Variants in GPR15LG observed in about 807,000 individuals in gnomAD.
GPR15LG encodes the protein G protein-coupled receptor 15 ligand.
At chr10:84,175,279 T>C in the GPR15LG span, among the ~76,000 whole-genome samples, 2 of 152,152 alleles carry the variant, frequency 1.3e-5, no homozygotes, top group Admixed American at 6.5e-5. Context: ...TGACATGCAA[T>C]TTATCAGACC....
the GPR15LG span, among the ~76,000 whole-genome samples, chr10:84,184,001 A>T: frequency 6.6e-6 from 1 of 152,028 alleles, no homozygotes; most frequent in Non-Finnish European, 1.5e-5. Flanking sequence ...GATTGTTTCC[A>T]GACACTTTTT....
At chr10:84,181,033 G>T in the GPR15LG span, among the ~76,000 whole-genome samples, 2 of 152,172 alleles carry the variant, frequency 1.3e-5, no homozygotes, top group South Asian at 4.1e-4. Flanking sequence ...CAAGACGGCG[G>T]CAGTACAGTC....
the GPR15LG span, chr10:84,184,556 A>C: frequency 9.7e-7 from 1 of 1,027,954 alleles, no homozygotes; most frequent in African/African-American, 1.6e-5. Context: ...CTTGCTTTGA[A>C]ATTTTTTTTT....
At chr10:84,177,508 G>A in the GPR15LG span, among the ~76,000 whole-genome samples, 1 of 152,240 alleles carries the variant, frequency 6.6e-6, no homozygotes, top group Admixed American at 6.5e-5. Context: ...GGCCCATGGG[G>A]TCCATGACCA....
chr10:84,177,618 G>A, the GPR15LG span, among the ~76,000 whole-genome samples: 4 of 152,288 alleles, frequency 2.6e-5, no homozygotes, highest in South Asian at 2.1e-4. Context: ...GACTCCAGCC[G>A]CAGACCTTCT....
chr10:84,178,284 A>C, the GPR15LG span, among the ~76,000 whole-genome samples: 2 of 151,862 alleles, frequency 1.3e-5, no homozygotes, highest in Non-Finnish European at 2.9e-5. Context: ...ACAAACAGAC[A>C]CACACTATAC....
the GPR15LG span, among the ~76,000 whole-genome samples, chr10:84,175,396 G>T: frequency 6.6e-6 from 1 of 152,192 alleles, no homozygotes; most frequent in Admixed American, 6.5e-5. Context: ...ACTATCTGTA[G>T]CAAACTCTTG....
the GPR15LG span, among the ~76,000 whole-genome samples, chr10:84,181,857 C>G: frequency 6.6e-6 from 1 of 152,220 alleles, no homozygotes; most frequent in South Asian, 2.1e-4. Flanking sequence ...AAGGCCCCAC[C>G]AGCCAGGAAG....
the GPR15LG span, among the ~76,000 whole-genome samples, chr10:84,181,240 A>AT: frequency 0.37 from 44,177 of 117,850 alleles, 9,557 homozygotes; most frequent in African/African-American, 0.42. Flanking sequence ...AAAAAATTAA[A>AT]TTTTTTTTTT....
the GPR15LG span, among the ~76,000 whole-genome samples, chr10:84,178,485 TACACACAGACACACACACAAATACATGC>T: frequency 6.7e-6 from 1 of 148,366 alleles, no homozygotes; most frequent in Non-Finnish European, 1.5e-5. Context: ...TACACAACTA[TACACACAGACACACACACAAATACATGC>T]ACACACAGAC....
chr10:84,178,714 G>A, the GPR15LG span, among the ~76,000 whole-genome samples: 10 of 152,312 alleles, frequency 6.6e-5, no homozygotes, highest in Middle Eastern at 0.014. Flanking sequence ...GCAAGTACAC[G>A]TGCATCCGTT....
At chr10:84,174,837 G>C in the GPR15LG span, among the ~76,000 whole-genome samples, 1 of 151,996 alleles carries the variant, frequency 6.6e-6, no homozygotes, top group Admixed American at 6.6e-5. Context: ...TTTTTCTCTT[G>C]TCTAACCCTC....
At chr10:84,175,501 A>G in the GPR15LG span, among the ~76,000 whole-genome samples, 1 of 152,252 alleles carries the variant, frequency 6.6e-6, no homozygotes, top group Non-Finnish European at 1.5e-5. Flanking sequence ...GATAGTTCAC[A>G]ATTGTGTGCT....
the GPR15LG span, among the ~76,000 whole-genome samples, chr10:84,175,457 C>T: frequency 2.0e-5 from 3 of 152,174 alleles, no homozygotes; most frequent in East Asian, 3.8e-4. Flanking sequence ...TACAAGTGAA[C>T]GTACTATGAT....
At chr10:84,182,670 T>G in the GPR15LG span, among the ~76,000 whole-genome samples, 1 of 152,212 alleles carries the variant, frequency 6.6e-6, no homozygotes, top group Non-Finnish European at 1.5e-5. Context: ...CCCTCCTTCA[T>G]CTCTACCACA....
At chr10:84,184,613 C>T in the GPR15LG span, 1 of 1,503,692 alleles carries the variant, frequency 6.7e-7, no homozygotes, top group Non-Finnish European at 9.2e-7. Flanking sequence ...TCTCTCTCCC[C>T]ACAACCTGGC....
At chr10:84,174,230 C>T in the GPR15LG span, among the ~76,000 whole-genome samples, 1 of 152,196 alleles carries the variant, frequency 6.6e-6, no homozygotes, top group African/African-American at 2.4e-5. Flanking sequence ...TCCTACCTAT[C>T]TAGAATTTCT....
At chr10:84,176,924 G>A in the GPR15LG span, among the ~76,000 whole-genome samples, 1 of 152,102 alleles carries the variant, frequency 6.6e-6, no homozygotes, top group African/African-American at 2.4e-5. Context: ...AGGCAGAGGA[G>A]GCAGCAAGGG....
the GPR15LG span, among the ~76,000 whole-genome samples, chr10:84,178,358 C>A: frequency 6.6e-6 from 1 of 152,058 alleles, no homozygotes; most frequent in South Asian, 2.1e-4. Flanking sequence ...CACATGCACA[C>A]AGCACACACA....
Sources: gnomAD v4.1 joint callset for allele counts (sites outside exome capture counted in the v4.1 genomes callset) on GRCh38, gnomAD v4.1.1 for gene constraint, MANE v1.5 for transcripts, NCBI Gene and HGNC (gene_info 2026-07-23, HGNC 2026-07-21) for gene names.